The following CYB5R4 variants were observed in gnomAD, a reference collection of about 807,000 sequenced individuals.
The protein encoded by CYB5R4 is N-terminal cytochrome b5 and cytochrome b5 oxidoreductase domain-containing protein.
CYB5R4 carries 55 observed loss-of-function variants against 70.2 expected under a neutral mutation model. The observed-to-expected ratio is 0.78, with a 90% CI of 0.63 to 0.98. CYB5R4 has a LOEUF of 0.98. CYB5R4 is among the 50% of genes least tolerant of loss of function. CYB5R4 has a pLI of 0.00. For missense variants in CYB5R4, 562 were observed against 612.6 expected (o/e 0.92, Z 0.87); for synonymous variants, 197 against 199.5 (o/e 0.99, Z 0.11).
chr6:83,951,927 A>G (rs571434009), intron 14 of CYB5R4, among the ~76,000 whole-genome samples: 48 of 152,276 alleles, frequency 3.2e-4, no homozygotes, highest in Middle Eastern at 3.4e-3. Flanking sequence ...CTGTTTCTCC[A>G]CGTCCTCTCC....
At chr6:83,877,024 G>C (rs1375400616) in intron 2 of CYB5R4, among the ~76,000 whole-genome samples, 1 of 152,038 alleles carries the variant, frequency 6.6e-6, no homozygotes, top group Admixed American at 6.6e-5. Context: ...GTAGAGATGG[G>C]TTTCACCACA....
At chr6:83,875,895 C>G (rs971266336) in intron 2 of CYB5R4, among the ~76,000 whole-genome samples, 1 of 152,146 alleles carries the variant, frequency 6.6e-6, no homozygotes, top group African/African-American at 2.4e-5. Flanking sequence ...GTTCCCTTAA[C>G]CACAAACATC....
chr6:83,862,402 A>G (rs2099456093), intron 1 of CYB5R4, among the ~76,000 whole-genome samples: 1 of 152,250 alleles, frequency 6.6e-6, no homozygotes, highest in Admixed American at 6.5e-5. Context: ...TTATAAAGTC[A>G]TAAGTACTAC....
At chr6:83,924,203 G>C (rs1179928205) in intron 9 of CYB5R4, among the ~76,000 whole-genome samples, 1 of 109,244 alleles carries the variant, frequency 9.2e-6, no homozygotes, top group Non-Finnish European at 1.8e-5. Context: ...ATTTGAGCTT[G>C]TTTGAAAACC....
chr6:83,933,956 G>C (rs139106667), intron 10 of CYB5R4, among the ~76,000 whole-genome samples: 1 of 152,162 alleles, frequency 6.6e-6, no homozygotes, highest in East Asian at 1.9e-4. Flanking sequence ...CTCTAATCAT[G>C]TATATAAAAT....
chr6:83,952,985 C>T (rs1260780596), intron 14 of CYB5R4, among the ~76,000 whole-genome samples: 1 of 152,122 alleles, frequency 6.6e-6, no homozygotes, highest in East Asian at 1.9e-4. Context: ...TTTTCCCCAG[C>T]CTCTTATGCT....
At chr6:83,959,654 GT>G (rs1230000387) in intron 15 of CYB5R4, among the ~76,000 whole-genome samples, 169 bp from the exon 16 acceptor site, 1 of 152,012 alleles carries the variant, frequency 6.6e-6, no homozygotes, top group Non-Finnish European at 1.5e-5. Flanking sequence ...ATATTTAGGA[GT>G]TACTAATCAC....
At chr6:83,919,938 G>A (rs2099466108) in intron 7 of CYB5R4, among the ~76,000 whole-genome samples, 1 of 152,044 alleles carries the variant, frequency 6.6e-6, no homozygotes, top group Non-Finnish European at 1.5e-5. Flanking sequence ...GTGTTCAGAT[G>A]CCCATTTGAA....
chr6:83,922,041 C>A (rs2099466462), intron 8 of CYB5R4, among the ~76,000 whole-genome samples: 1 of 152,108 alleles, frequency 6.6e-6, no homozygotes, highest in African/African-American at 2.4e-5. Context: ...GTAAGCTAGA[C>A]CCAGACCTGG....
rs1157003752 is a variant in CYB5R4, at chr6:83,947,177, CA to C, written c.1346+6580del. 8.5e-5 allele frequency among the ~76,000 whole-genome samples: 13 copies of C among 152,132 alleles called. 1 individual carries two copies. The highest frequency in any genetic ancestry group is 8.5e-4 in the Admixed American group (13 of 15,270). On this transcript the variant is annotated intron_variant, in intron 14 of 15. Coordinates refer to ENST00000369681, the MANE Select transcript of CYB5R4 (RefSeq NM_016230.4). ...AACTATACTGCAAGGCCACAGTAAC[CA>C]AAACGGCATGGTACTGGTACCAAAA...
At chr6:83,923,848 G>A (rs1371087667) in intron 9 of CYB5R4, among the ~76,000 whole-genome samples, 1 of 151,450 alleles carries the variant, frequency 6.6e-6, no homozygotes, top group Non-Finnish European at 1.5e-5. Context: ...GGCGGATCTC[G>A]AGGTCAGGAG....
Position 83,950,630 on chromosome 6 carries a change from G to A in CYB5R4, c.1347-4668G>A, listed in dbSNP as rs79997853. 3.1e-3 allele frequency among the ~76,000 whole-genome samples: 469 copies of A among 152,140 alleles called. 2 individuals are homozygous for A. Among genetic ancestry groups the A allele is most frequent in the Non-Finnish European group, 4.8e-3 (329 of 67,990 alleles). On this transcript the variant is annotated intron_variant, in intron 14 of 15. Coordinates refer to ENST00000369681, the MANE Select transcript of CYB5R4 (RefSeq NM_016230.4). ...CTTTTGTTTCAAATGAGTCGTTCTT[G>A]GAGACCATTAATCTTATTTTAGTAA... is the stretch of plus-strand genomic sequence containing the variant.
At chr6:83,887,634 A>G (rs1366731075) in intron 2 of CYB5R4, among the ~76,000 whole-genome samples, 2 of 152,190 alleles carry the variant, frequency 1.3e-5, no homozygotes, top group African/African-American at 2.4e-5. Flanking sequence ...ACATTGGAGT[A>G]TACCTTCCTA....
At chr6:83,869,011 A>G (rs1004364513) in intron 2 of CYB5R4, among the ~76,000 whole-genome samples, 6 of 152,220 alleles carry the variant, frequency 3.9e-5, no homozygotes, top group African/African-American at 1.4e-4. Context: ...TTAGCAGATT[A>G]GGTTCTCCAA....
At chr6:83,914,735 C>T (rs1313974005) in intron 5 of CYB5R4, among the ~76,000 whole-genome samples, 1 of 151,910 alleles carries the variant, frequency 6.6e-6, no homozygotes, top group African/African-American at 2.4e-5. Context: ...TGGGGTTTCA[C>T]CATGTTGGTC....
intron 14 of CYB5R4, among the ~76,000 whole-genome samples, chr6:83,942,901 A>G (rs2099469986): frequency 6.6e-6 from 1 of 152,132 alleles, no homozygotes; most frequent in Non-Finnish European, 1.5e-5. Context: ...TGATAGCCAG[A>G]CTGCCTCTCT....
chr6:83,967,378 G>A lies in CYB5R4; in HGVS notation c.*7500G>A, dbSNP rs1174145137. The stretch of plus-strand genomic sequence containing the variant: ...GTGGTTGTATTAGTATTGTTATTCT[G>A]AAGATGTGAAATAATGCAAACGCAT... On this transcript the variant is annotated 3_prime_UTR_variant, in exon 16 of 16. Transcript: ENST00000369681. The A allele has an allele frequency of 6.6e-6, 1 of 152,200 alleles. No homozygotes were observed. The highest frequency in any genetic ancestry group is 1.5e-5 in the Non-Finnish European group (1 of 68,038). The allele number at this position is 152,200 out of a possible 1,614,324, so 9.4% of individuals were successfully genotyped here.
intron 2 of CYB5R4, among the ~76,000 whole-genome samples, chr6:83,868,987 C>G (rs1720293629): frequency 6.6e-6 from 1 of 152,174 alleles, no homozygotes; most frequent in Admixed American, 6.5e-5. Flanking sequence ...ACTAGTGTCC[C>G]TGTTGCTAAA....
In CYB5R4 at chr6:83,966,450, G is replaced by A. The variant is rs1403920897; in HGVS notation, c.*6572G>A. The stretch of plus-strand genomic sequence containing the variant: ...CTCATGCCTGTAATCCCAGCACTTT[G>A]GGAGGCCGAGGCGGGTGGATCACCT... On this transcript the variant is annotated 3_prime_UTR_variant, in exon 16 of 16. Coordinates refer to ENST00000369681, the MANE Select transcript of CYB5R4 (RefSeq NM_016230.4). 6.6e-6 allele frequency: 1 copy of A among 152,188 alleles called. No homozygotes were observed. Among genetic ancestry groups the A allele is most frequent in the Non-Finnish European group, 1.5e-5 (1 of 68,020 alleles). 9.4% of individuals were successfully genotyped at this position (152,188 alleles called of 1,614,324 possible).
Sources: gnomAD v4.1 joint callset for allele counts (sites outside exome capture counted in the v4.1 genomes callset) on GRCh38, gnomAD v4.1.1 for gene constraint, MANE v1.5 for transcripts, NCBI Gene and HGNC (gene_info 2026-07-23, HGNC 2026-07-21) for gene names.